The following PLEKHA7 variants were observed in gnomAD, a reference collection of about 807,000 sequenced individuals.
The protein encoded by PLEKHA7 is pleckstrin homology domain containing A7, also known as pleckstrin homology domain-containing family A member 7.
Under a neutral mutation model 170.0 loss-of-function variants are expected in PLEKHA7, and 104 were observed. The ratio of observed to expected loss-of-function variants is 0.61; its 90% confidence interval spans 0.52 to 0.72. The LOEUF (loss-of-function observed/expected upper bound fraction) is 0.72, where lower values mean the gene tolerates loss of function less well. Ranked by LOEUF, PLEKHA7 falls within the 30% of genes least tolerant of loss-of-function variation. The pLI, the probability that PLEKHA7 is intolerant of heterozygous loss-of-function variation, is 0.00. For missense variants in PLEKHA7, 1,615 were observed against 1,671.7 expected (o/e 0.97, Z 0.59); for synonymous variants, 648 against 660.8 (o/e 0.98, Z 0.30).
intron 19 of PLEKHA7, among the ~76,000 whole-genome samples, chr11:16,792,586 T>C (rs1847938712): frequency 6.6e-6 from 1 of 151,812 alleles, no homozygotes; most frequent in African/African-American, 2.4e-5. Context: ...AGATTGTGGT[T>C]ACTTCTGGCA....
intron 3 of PLEKHA7, among the ~76,000 whole-genome samples, chr11:16,958,295 C>A (rs1861832983): frequency 6.6e-6 from 1 of 151,860 alleles, no homozygotes; most frequent in Non-Finnish European, 1.5e-5. Context: ...CCAGCCTGGG[C>A]AACAGAGCAA....
chr11:16,847,841 TCAAAA>T (rs1852578799), intron 8 of PLEKHA7, among the ~76,000 whole-genome samples: 1 of 63,432 alleles, frequency 1.6e-5, no homozygotes, highest in Non-Finnish European at 2.8e-5. Context: ...AAATTCTGTC[TCAAAA>T]AAAAAAAAAA....
intron 25 of PLEKHA7, among the ~76,000 whole-genome samples, chr11:16,783,109 GTTCA>G (rs746138176): frequency 3.9e-5 from 6 of 152,224 alleles, no homozygotes; most frequent in Non-Finnish European, 8.8e-5. Flanking sequence ...CAGACCTTAA[GTTCA>G]CGGCTCTAGC....
rs1478989741 is a variant in PLEKHA7 at position 16,801,780 on chromosome 11, T to C, written c.2195A>G (p.Gln732Arg). ...LESVLEVLHRQMEQYRDQPQH... is the reference protein window; with the variant it reads ...LESVLEVLHRRMEQYRDQPQH... ...GGGCTGGTCTCGGTACTGCTCCATC[T>C]GTCTGTGCAACACCTCCAGCACAGA... The change falls in exon 16 of 27, where the codon CAG becomes CGG. Residue 732 changes from glutamine (Q) to arginine (R), a missense_variant. Transcript: ENST00000531066. The C allele has an allele frequency of 6.2e-7, 1 of 1,614,164 alleles. No individual in the cohort carries two copies. Among genetic ancestry groups the C allele is most frequent in the Non-Finnish European group, 8.5e-7 (1 of 1,180,034 alleles).
intron 3 of PLEKHA7, among the ~76,000 whole-genome samples, chr11:16,995,390 T>C (rs980316644): frequency 1.3e-5 from 2 of 152,120 alleles, no homozygotes; most frequent in African/African-American, 4.8e-5. Context: ...CCCTGAACAA[T>C]GAGTGCCGGT....
intron 3 of PLEKHA7, among the ~76,000 whole-genome samples, chr11:17,010,291 C>T (rs1193211765): frequency 1.3e-5 from 2 of 151,416 alleles, no homozygotes; most frequent in Admixed American, 6.6e-5. Flanking sequence ...AGGGGGTGGC[C>T]GAGGCATGAG....
At chr11:16,823,393 T>C (rs1850395788) in intron 10 of PLEKHA7, among the ~76,000 whole-genome samples, 1 of 152,100 alleles carries the variant, frequency 6.6e-6, no homozygotes, top group Non-Finnish European at 1.5e-5. Flanking sequence ...CCTCAAATGA[T>C]CAAATCATGC....
intron 4 of PLEKHA7, among the ~76,000 whole-genome samples, chr11:16,864,877 G>A (rs1854260237): frequency 6.6e-6 from 1 of 152,156 alleles, no homozygotes; most frequent in Admixed American, 6.5e-5. Flanking sequence ...ATTATGGACT[G>A]GGTTGAAATT....
In PLEKHA7 at chr11:16,788,642, T is replaced by C. The variant is rs889283137; in HGVS notation, c.3357+454A>G. On this transcript the variant is annotated intron_variant, in intron 23 of 26. Transcript: ENST00000531066. ...GCAAGCCCAGGGAGACCAGTGGCCC[T>C]TGGGGCAGGGGTGTGACCCCGTGCT... 26 of 202,438 alleles carry C rather than the reference T, an allele frequency of 1.3e-4. 1 individual carries two copies. In the East Asian group the frequency reaches 3.3e-3, roughly 26 times the overall value. 12.5% of individuals were successfully genotyped at this position (202,438 alleles called of 1,614,324 possible).
intron 17 of PLEKHA7, among the ~76,000 whole-genome samples, chr11:16,797,274 G>C (rs1245791441): frequency 6.6e-6 from 1 of 152,058 alleles, no homozygotes; most frequent in African/African-American, 2.4e-5. Context: ...GTTAAAATGG[G>C]GGAAAGATAG....
chr11:16,851,118 T>C (rs1852908308), intron 8 of PLEKHA7, 73 bp downstream of exon 8: 1 of 1,237,290 alleles, frequency 8.1e-7, no homozygotes, highest in South Asian at 1.8e-5. Flanking sequence ...CAAAAGCAAC[T>C]GCTTTTATGA....
chr11:16,902,348 G>C (rs1052103210), intron 3 of PLEKHA7, among the ~76,000 whole-genome samples: 7 of 152,062 alleles, frequency 4.6e-5, no homozygotes, highest in African/African-American at 1.7e-4. Flanking sequence ...ACTTCTCTTG[G>C]GTATATACCT....
chr11:16,926,910 C>G (rs73425281), intron 3 of PLEKHA7, among the ~76,000 whole-genome samples: 3,107 of 152,304 alleles, frequency 0.02, 116 homozygotes, highest in African/African-American at 0.071. Flanking sequence ...GAGCGCTGTA[C>G]AGGAATTTGG....
chr11:16,804,899 G>T (rs10160572), intron 13 of PLEKHA7, among the ~76,000 whole-genome samples: 1 of 151,770 alleles, frequency 6.6e-6, no homozygotes, highest in African/African-American at 2.4e-5. Flanking sequence ...CGGGGGGGGC[G>T]GTGCAGGGAG....
chr11:16,962,003 C>T (rs746132475), intron 3 of PLEKHA7, among the ~76,000 whole-genome samples: 7 of 152,188 alleles, frequency 4.6e-5, no homozygotes, highest in Non-Finnish European at 7.3e-5. Flanking sequence ...AAGCAGGAGC[C>T]TACGTTGCAA....
intron 3 of PLEKHA7, among the ~76,000 whole-genome samples, chr11:17,003,163 A>T (rs559148235): frequency 1.3e-5 from 2 of 151,952 alleles, no homozygotes; most frequent in South Asian, 2.1e-4. Flanking sequence ...GCTAATTTTG[A>T]TATTTTTAGT....
intron 4 of PLEKHA7, among the ~76,000 whole-genome samples, chr11:16,858,624 C>G (rs1203958473): frequency 1.3e-5 from 2 of 151,912 alleles, no homozygotes. Context: ...TACCGAGTAG[C>G]TGGGATTACA....
chr11:16,907,207 G>A (rs1387190251), intron 3 of PLEKHA7, among the ~76,000 whole-genome samples: 4 of 95,152 alleles, frequency 4.2e-5, no homozygotes, highest in South Asian at 3.8e-4. Context: ...CCGGGAGGGA[G>A]GTGGGGGGGT....
At position 16,856,163 on chromosome 11, in the gene PLEKHA7, T is replaced by G. The variant is rs113375121; in HGVS notation, c.306-249A>C. On this transcript the variant is annotated intron_variant, in intron 4 of 26. Coordinates refer to ENST00000531066, the MANE Select transcript of PLEKHA7 (RefSeq NM_001329630.2). ...GACACCCCAACAAAGGAGGACAGAC[T>G]GTCATCCCTGCTGTTGTCTGGAAGT... is the stretch of plus-strand genomic sequence containing the variant. Among the ~76,000 whole-genome samples the G allele has an allele frequency of 4.0e-3, 612 of 152,294 alleles. 7 individuals are homozygous for G. The highest frequency in any genetic ancestry group is 0.014 in the African/African-American group (586 of 41,552).
Sources: gnomAD v4.1 joint callset for allele counts (sites outside exome capture counted in the v4.1 genomes callset) on GRCh38, gnomAD v4.1.1 for gene constraint, MANE v1.5 for transcripts, NCBI Gene and HGNC (gene_info 2026-07-23, HGNC 2026-07-21) for gene names.